The following GRIK4 variants were observed in gnomAD, a reference collection of about 807,000 sequenced individuals.
GRIK4 encodes glutamate receptor ionotropic, kainate 4.
In GRIK4, 40 loss-of-function variants were observed where a neutral mutation model predicts 104.9. The ratio of observed to expected loss-of-function variants is 0.38; its 90% CI spans 0.30 to 0.50. The LOEUF is 0.50. GRIK4 is among the 20% of genes least tolerant of loss of function. The pLI is 0.93. For synonymous variants in GRIK4, 485 were observed against 524.9 expected, an observed-to-expected ratio of 0.92 and a Z score of 1.04; for missense variants, 1,047 against 1,308.1, an observed-to-expected ratio of 0.80 and a Z score of 3.08.
At chr11:120,618,249 T>G (rs1949140488) in intron 1 of GRIK4, among the ~76,000 whole-genome samples, 1 of 152,222 alleles carries the variant, frequency 6.6e-6, no homozygotes, top group Non-Finnish European at 1.5e-5. Flanking sequence ...TTGAGAGTGA[T>G]GATTTAGGGT....
intron 3 of GRIK4, among the ~76,000 whole-genome samples, chr11:120,705,389 C>A (rs1447194783): frequency 1.3e-5 from 2 of 152,122 alleles, no homozygotes; most frequent in Admixed American, 6.5e-5. Context: ...CCTTGCCCAG[C>A]TAATTTTTGT....
intron 3 of GRIK4, among the ~76,000 whole-genome samples, chr11:120,780,522 C>T (rs1369016119): frequency 2.6e-5 from 4 of 152,152 alleles, no homozygotes; most frequent in Non-Finnish European, 5.9e-5. Flanking sequence ...TTGATCCATT[C>T]ATTTGTGGCC....
chr11:120,531,618 C>A (rs1282863736), intron 1 of GRIK4, among the ~76,000 whole-genome samples: 1 of 151,696 alleles, frequency 6.6e-6, no homozygotes, highest in Non-Finnish European at 1.5e-5. Flanking sequence ...CTCTGTTGCT[C>A]AGGCTGGAGT....
chr11:120,852,725 A>G (rs1254038024), intron 8 of GRIK4, among the ~76,000 whole-genome samples: 1 of 152,238 alleles, frequency 6.6e-6, no homozygotes, highest in African/African-American at 2.4e-5. Context: ...TGATGCAGAT[A>G]AATAGACAGA....
At chr11:120,772,254 A>G (rs1951960818) in intron 3 of GRIK4, among the ~76,000 whole-genome samples, 1 of 152,246 alleles carries the variant, frequency 6.6e-6, no homozygotes, top group Non-Finnish European at 1.5e-5. Context: ...AAACCTTAGA[A>G]TGAGTAATAT....
At chr11:120,839,196 ATTCTTAT>A (rs779582428) in intron 8 of GRIK4, among the ~76,000 whole-genome samples, 1 of 152,100 alleles carries the variant, frequency 6.6e-6, no homozygotes, top group Non-Finnish European at 1.5e-5. Context: ...CTGGGTTTTC[ATTCTTAT>A]TTCTTCTTTC....
intron 1 of GRIK4, among the ~76,000 whole-genome samples, chr11:120,546,897 C>T (rs1040743796): frequency 2.0e-5 from 3 of 152,216 alleles, no homozygotes; most frequent in South Asian, 2.1e-4. Context: ...AAACCAAATA[C>T]GGCTTTGCTT....
chr11:120,752,229 C>G (rs1159422313), intron 3 of GRIK4, among the ~76,000 whole-genome samples: 1 of 152,244 alleles, frequency 6.6e-6, no homozygotes, highest in Non-Finnish European at 1.5e-5. Context: ...GATTTAAAAT[C>G]TAGCTCTTCA....
chr11:120,515,014 C>A (rs777836862), intron 1 of GRIK4: 1 of 456,728 alleles, frequency 2.2e-6, no homozygotes, highest in African/African-American at 2.0e-5. Context: ...GGGACCCTGT[C>A]TCAGCAGCCG....
chr11:120,645,147 G>A (rs1949526127), intron 1 of GRIK4, among the ~76,000 whole-genome samples: 1 of 151,690 alleles, frequency 6.6e-6, no homozygotes, highest in Non-Finnish European at 1.5e-5. Flanking sequence ...GTGTGTGTGT[G>A]TATGTGTATG....
At position 120,987,679 on chromosome 11, in the gene GRIK4, A is replaced by T. The variant is rs1193758927; in HGVS notation, c.*1419A>T. On this transcript the variant is annotated 3_prime_UTR_variant, in exon 21 of 21. Coordinates refer to ENST00000527524, the MANE Select transcript of GRIK4 (RefSeq NM_014619.5). ...CTCTTCCATCTACCAAATAGGAGTT[A>T]CTGATGCTGTCCAGGTTACCAGGTG... 1 of 152,234 alleles carries T rather than the reference A, an allele frequency of 6.6e-6. No homozygotes were observed. Among genetic ancestry groups the T allele is most frequent in the Non-Finnish European group, 1.5e-5 (1 of 68,074 alleles). 9.4% of individuals were successfully genotyped at this position (152,234 alleles called of 1,614,324 possible).
At chr11:120,748,088 G>A (rs1229027819) in intron 3 of GRIK4, among the ~76,000 whole-genome samples, 2 of 152,130 alleles carry the variant, frequency 1.3e-5, no homozygotes, top group African/African-American at 4.8e-5. Flanking sequence ...TCTGCTCTGA[G>A]GAGCAGCCTT....
At chr11:120,834,037 CATCTTTGTACATAA>C (rs1182598611) in intron 7 of GRIK4, among the ~76,000 whole-genome samples, 1 of 152,126 alleles carries the variant, frequency 6.6e-6, no homozygotes, top group Non-Finnish European at 1.5e-5. Context: ...CTGAGGTGCA[CATCTTTGTACATAA>C]ATCTTTATAC....
intron 1 of GRIK4, among the ~76,000 whole-genome samples, chr11:120,563,840 T>A (rs1389799571): frequency 6.6e-6 from 1 of 152,186 alleles, no homozygotes; most frequent in Non-Finnish European, 1.5e-5. Flanking sequence ...TTTGCACCAG[T>A]TCTGGCGCCT....
In GRIK4 at chr11:120,952,986, T is replaced by C; in HGVS notation, c.1700+22T>C. 1.4e-6 allele frequency: 2 copies of C among 1,449,446 alleles called. No homozygotes were observed. The highest frequency in any genetic ancestry group is 1.9e-6 in the Non-Finnish European group (2 of 1,036,632). The allele number at this position is 1,449,446 out of a possible 1,614,324, so 89.8% of individuals were successfully genotyped here. On this transcript the variant is annotated intron_variant, in intron 15 of 20. Coordinates refer to ENST00000527524, the MANE Select transcript of GRIK4 (RefSeq NM_014619.5). The surrounding 1 kb of genome is among the most constrained non-coding windows in gnomAD (Gnocchi z 5.2). ...CTCGGTACTCTCCTCTTCCCTTCCCTGTCCTTACACCGCCACCTCGTGTCC... is the reference window on the plus strand; with the variant it reads ...CTCGGTACTCTCCTCTTCCCTTCCCCGTCCTTACACCGCCACCTCGTGTCC...
At chr11:120,847,248 A>G (rs1300775084) in intron 8 of GRIK4, among the ~76,000 whole-genome samples, 7 of 152,212 alleles carry the variant, frequency 4.6e-5, no homozygotes, top group South Asian at 2.1e-4. Flanking sequence ...TCACTCACAC[A>G]GTTCACACAT....
chr11:120,541,498 C>T (rs949423512), intron 1 of GRIK4, among the ~76,000 whole-genome samples: 7 of 147,964 alleles, frequency 4.7e-5, no homozygotes, highest in Non-Finnish European at 1.1e-4. Context: ...GAAAAATACT[C>T]TTTTTTTTTT....
intron 3 of GRIK4, among the ~76,000 whole-genome samples, chr11:120,761,888 C>T (rs1951755780): frequency 6.6e-6 from 1 of 152,124 alleles, no homozygotes; most frequent in African/African-American, 2.4e-5. Flanking sequence ...AGCATGATGC[C>T]TCCAGCTTTG....
In GRIK4 at chr11:120,544,338, CT is replaced by C. The variant is rs200412144; in HGVS notation, c.-159+32461del. Among the ~76,000 whole-genome samples the C allele has an allele frequency of 5.4e-5, 8 of 149,454 alleles. No individual in the cohort carries two copies. The East Asian group carries it at 5.8e-4, about 11-fold the overall frequency. On this transcript the variant is annotated intron_variant, in intron 1 of 20. Transcript: ENST00000527524. ...GTGGTTAAATAATACTATTTTTATA[CT>C]TTTTTTTTTGAGATGGAGTCTTGCT...
Sources: gnomAD v4.1 joint callset for allele counts (sites outside exome capture counted in the v4.1 genomes callset) on GRCh38, gnomAD v4.1.1 for gene constraint, Gnocchi (gnomAD v3.1) non-coding constraint, MANE v1.5 for transcripts, NCBI Gene and HGNC (gene_info 2026-07-23, HGNC 2026-07-21) for gene names.